The following CR1L variants were observed in gnomAD, a reference collection of about 807,000 sequenced individuals.
CR1L encodes complement component receptor 1-like protein.
Under a neutral mutation model 62.3 loss-of-function variants are expected in CR1L, and 59 were observed. That is an observed-to-expected ratio of 0.95 (90% CI 0.77 to 1.18). The LOEUF is 1.18. Among genes scored for constraint, CR1L ranks in the 50% most tolerant of loss-of-function variants. The pLI is 0.00. For synonymous variants in CR1L, 279 were observed against 248.7 expected (o/e 1.12, Z -1.15); for missense variants, 700 against 702.8 (o/e 1.00, Z 0.04).
Position 207,717,564 on chromosome 1 carries a change from C to A in CR1L, c.1515C>A (p.Asp505Glu). 4 of 1,613,828 alleles carry A rather than the reference C, an allele frequency of 2.5e-6. No individual in the cohort carries two copies. The highest frequency in any genetic ancestry group is 3.4e-6 in the Non-Finnish European group (4 of 1,179,784). The stretch of plus-strand genomic sequence containing the variant: ...GAAAAGAAGTATCTTACACATGTGA[C>A]CCCCACCCAGACAGAGGGATGACCT... ...PYGKEVSYTC[D>E]PHPDRGMTFN... The change falls in exon 11 of 12, where the codon GAC (aspartate) becomes GAA (glutamate). Residue 505 changes from aspartate (D) to glutamate (E), a missense_variant. Physicochemically the swap from Asp to Glu is conservative, Grantham distance 45. Coordinates refer to ENST00000508064, the MANE Select transcript of CR1L (RefSeq NM_175710.2).
chr1:207,697,788 T>G lies in CR1L; in HGVS notation c.1057T>G (p.Phe353Val). The change falls in exon 7 of 12, where the codon TTC becomes GTC. Residue 353 changes from phenylalanine to valine, a missense_variant. By Grantham distance (50) the Phe-to-Val change is conservative. Coordinates refer to ENST00000508064, the MANE Select transcript of CR1L (RefSeq NM_175710.2). ...TTTTCCAGTGAAATCCTGTGATGAC[T>G]TCCTGGGCCAACTTCCTAATGGCCA... The part of the protein sequence containing the change: ...PRCEVKSCDD[F>V]LGQLPNGHVL... The G allele has an allele frequency of 2.5e-6, 4 of 1,614,072 alleles. No homozygotes were observed. Among genetic ancestry groups the G allele is most frequent in the Non-Finnish European group, 3.4e-6 (4 of 1,179,904 alleles).
intron 1 of CR1L, among the ~76,000 whole-genome samples, chr1:207,671,441 T>C (rs1250381250): frequency 2.0e-5 from 3 of 150,890 alleles, no homozygotes; most frequent in Non-Finnish European, 4.4e-5. Context: ...ACAGAGGAAC[T>C]AGGATTGTTT....
chr1:207,713,368 A>G (rs1664392649), intron 10 of CR1L, among the ~76,000 whole-genome samples: 1 of 152,248 alleles, frequency 6.6e-6, no homozygotes, highest in Admixed American at 6.5e-5. Context: ...ATGAATAACT[A>G]TGTTTTAACC....
intron 1 of CR1L, among the ~76,000 whole-genome samples, chr1:207,648,781 A>C (rs1663176147): frequency 6.6e-6 from 1 of 152,240 alleles, no homozygotes; most frequent in Non-Finnish European, 1.5e-5. Flanking sequence ...ACTACAATGC[A>C]AAAAGAGCAG....
chr1:207,684,046 T>A (rs556780767), intron 4 of CR1L, 89 bp downstream of exon 4: 4 of 1,265,670 alleles, frequency 3.2e-6, no homozygotes, highest in Admixed American at 4.0e-5. Flanking sequence ...ATTCCTTCTG[T>A]GCAATCTGTA....
At chr1:207,692,784 C>T (rs1571523448) in intron 4 of CR1L, among the ~76,000 whole-genome samples, 1 of 151,560 alleles carries the variant, frequency 6.6e-6, no homozygotes, top group Admixed American at 6.6e-5. Flanking sequence ...GCCATACCCC[C>T]AGCCCGTAAT....
At chr1:207,647,692 T>G (rs912122449) in intron 1 of CR1L, among the ~76,000 whole-genome samples, 2 of 152,176 alleles carry the variant, frequency 1.3e-5, no homozygotes, top group African/African-American at 4.8e-5. Context: ...GAAGGTTCTT[T>G]AAAGAGCTAT....
At chr1:207,657,214 T>C (rs1156773623) in intron 1 of CR1L, 1 of 1,317,524 alleles carries the variant, frequency 7.6e-7, no homozygotes, top group Non-Finnish European at 1.1e-6. Flanking sequence ...CAGTAACTGA[T>C]AGTTGTGATC....
intron 1 of CR1L, among the ~76,000 whole-genome samples, chr1:207,664,610 C>T (rs2102448473): frequency 6.6e-6 from 1 of 152,120 alleles, no homozygotes; most frequent in South Asian, 2.1e-4. Context: ...TGTACTAATA[C>T]TAAGTTTGTT....
At chr1:207,672,993 C>T (rs1436178008) in intron 1 of CR1L, among the ~76,000 whole-genome samples, 1 of 152,132 alleles carries the variant, frequency 6.6e-6, no homozygotes, top group African/African-American at 2.4e-5. Flanking sequence ...AAGAAAATGG[C>T]AGAGTTGACA....
intron 3 of CR1L, among the ~76,000 whole-genome samples, chr1:207,681,217 G>T (rs1023286099): frequency 3.9e-5 from 6 of 152,160 alleles, no homozygotes; most frequent in Non-Finnish European, 5.9e-5. Context: ...TCGGGCCCTG[G>T]GGAGGAGACT....
intron 1 of CR1L, among the ~76,000 whole-genome samples, chr1:207,662,564 GT>G (rs1220960182): frequency 2.6e-5 from 4 of 151,960 alleles, no homozygotes; most frequent in Admixed American, 2.6e-4. Context: ...TTTTTTCAAG[GT>G]TTTTAATTTC....
intron 1 of CR1L, among the ~76,000 whole-genome samples, chr1:207,654,309 A>G (rs1400968221): frequency 6.6e-6 from 1 of 152,244 alleles, no homozygotes; most frequent in African/African-American, 2.4e-5. Flanking sequence ...TTGGTCAAGT[A>G]GAAATATTGG....
At chr1:207,696,258 A>G (rs1244031574) in intron 5 of CR1L, among the ~76,000 whole-genome samples, 2 of 152,364 alleles carry the variant, frequency 1.3e-5, no homozygotes, top group African/African-American at 4.8e-5. Flanking sequence ...AGTCATTGGC[A>G]TCGCTAGAAT....
intron 3 of CR1L, among the ~76,000 whole-genome samples, chr1:207,683,070 CTCTT>C (rs761797868): frequency 1.5e-5 from 2 of 135,596 alleles, no homozygotes; most frequent in African/African-American, 5.5e-5. Context: ...TTCTTTCTTT[CTCTT>C]TCTTTCTTTC....
At chr1:207,710,390 T>C (rs1664334669) in intron 10 of CR1L, 3 of 1,494,456 alleles carry the variant, frequency 2.0e-6, no homozygotes, top group Non-Finnish European at 2.8e-6. Context: ...AGGAATTCCT[T>C]GTGGGCTACC....
In CR1L at chr1:207,682,992, T is replaced by TTTCTTTCTTTCTTTC. The variant is rs1558017874; in HGVS notation, c.378-878_378-877insCTTTCTTTCTTTCTT. Among the ~76,000 whole-genome samples the TTTCTTTCTTTCTTTC allele has an allele frequency of 2.2e-3, 182 of 84,650 alleles. 3 individuals carry two copies. The South Asian group carries it at 0.03, about 14-fold the overall frequency. 55.5% of individuals were successfully genotyped at this position (84,650 alleles called of 152,430 possible). A position where few individuals can be genotyped will look rare whatever the true frequency, so the allele number is the denominator to read the frequency against. The stretch of plus-strand genomic sequence containing the variant: ...TCTTTCTTTCTTTCTTTCTTTCTTT[T>TTTCTTTCTTTCTTTC]TTTCTTTCTTTCTTTCTTTTTCTTT... On this transcript the variant is annotated intron_variant, in intron 3 of 11. Coordinates refer to ENST00000508064, the MANE Select transcript of CR1L (RefSeq NM_175710.2).
At chr1:207,717,290 C>A (rs1267828344) in intron 10 of CR1L, among the ~76,000 whole-genome samples, 174 bp from the exon 11 acceptor site, 4 of 152,182 alleles carry the variant, frequency 2.6e-5, no homozygotes, top group Non-Finnish European at 4.4e-5. Flanking sequence ...TTAGGTCTCA[C>A]AACAGTTAGT....
At chr1:207,669,585 G>A in intron 1 of CR1L, 1 of 1,426,962 alleles carries the variant, frequency 7.0e-7, no homozygotes, top group South Asian at 1.2e-5. Flanking sequence ...TGGGGGGCGT[G>A]GGGAGGCGCC....
Sources: allele counts gnomAD v4.1 joint callset (sites outside exome capture counted in the v4.1 genomes callset), GRCh38; gene constraint gnomAD v4.1.1; transcripts MANE v1.5; gene names NCBI Gene and HGNC (gene_info 2026-07-23, HGNC 2026-07-21).